AKAP19: variants seen among roughly 807,000 people sequenced by gnomAD.
AKAP19 encodes small A-kinase anchoring protein.
chr2:189,937,936 A>T, the AKAP19 span, among the ~76,000 whole-genome samples: 1 of 152,254 alleles, frequency 6.6e-6, no homozygotes. Flanking sequence ...GGAAATTGGC[A>T]TACTGAAGAG....
the AKAP19 span, among the ~76,000 whole-genome samples, chr2:190,182,567 TGTTA>T: frequency 3.9e-5 from 6 of 152,160 alleles, no homozygotes; most frequent in Non-Finnish European, 7.3e-5. Context: ...AGTCAGTAAA[TGTTA>T]GTTATCTTCA....
At chr2:190,180,400 C>T in the AKAP19 span, 1 of 912,392 alleles carries the variant, frequency 1.1e-6, no homozygotes, top group African/African-American at 1.8e-5. This position sits in a 1 kb window ranked among gnomAD's most constrained non-coding sequence, Gnocchi z 6.8. Flanking sequence ...CCCCCTCTCA[C>T]CAGGGCGGAG....
At chr2:190,193,637 T>TTTATATTATA in the AKAP19 span, among the ~76,000 whole-genome samples, 1 of 152,174 alleles carries the variant, frequency 6.6e-6, no homozygotes, top group Non-Finnish European at 1.5e-5. Flanking sequence ...CATAAAATTG[T>TTTATATTATA]TTATATTATT....
At chr2:190,194,098 C>T in the AKAP19 span, among the ~76,000 whole-genome samples, 2 of 152,046 alleles carry the variant, frequency 1.3e-5, no homozygotes, top group South Asian at 2.1e-4. Context: ...AGATATTTTA[C>T]TCTCTGGGGT....
chr2:190,075,143 T>C, the AKAP19 span, among the ~76,000 whole-genome samples: 13 of 152,348 alleles, frequency 8.5e-5, 1 homozygote, highest in East Asian at 1.7e-3. Flanking sequence ...CTTGTGATTA[T>C]TTTTTGACCA....
the AKAP19 span, among the ~76,000 whole-genome samples, chr2:190,127,825 T>G: frequency 6.6e-6 from 1 of 152,156 alleles, no homozygotes; most frequent in African/African-American, 2.4e-5. Flanking sequence ...TCCCAAAGCA[T>G]GGTACACACA....
the AKAP19 span, among the ~76,000 whole-genome samples, chr2:189,886,345 A>C: frequency 6.6e-6 from 1 of 152,256 alleles, no homozygotes; most frequent in Admixed American, 6.5e-5. Context: ...TTTTGTCTAG[A>C]TATTGCTCCC....
the AKAP19 span, among the ~76,000 whole-genome samples, chr2:190,078,057 A>G: frequency 6.6e-6 from 1 of 152,072 alleles, no homozygotes; most frequent in African/African-American, 2.4e-5. Context: ...CCTATTTCAG[A>G]TTCAAGGGGA....
chr2:190,166,628 A>G, the AKAP19 span, among the ~76,000 whole-genome samples: 3 of 152,158 alleles, frequency 2.0e-5, no homozygotes, highest in Non-Finnish European at 2.9e-5. Context: ...TTGAAAATCT[A>G]TATAAGTTAT....
At chr2:189,965,370 A>C in the AKAP19 span, among the ~76,000 whole-genome samples, 13 of 152,174 alleles carry the variant, frequency 8.5e-5, no homozygotes, top group Admixed American at 3.3e-4. Context: ...CTAAAATGTG[A>C]TGTACAGTCA....
the AKAP19 span, among the ~76,000 whole-genome samples, chr2:189,987,170 C>T: frequency 3.9e-5 from 6 of 152,076 alleles, no homozygotes; most frequent in Non-Finnish European, 5.9e-5. Context: ...TCATGGGGGC[C>T]GGTCTTTCCA....
chr2:190,009,709 C>T, the AKAP19 span, among the ~76,000 whole-genome samples: 9 of 152,010 alleles, frequency 5.9e-5, no homozygotes, highest in Non-Finnish European at 1.0e-4. Flanking sequence ...TGGGAGCCTT[C>T]GTCATAGAAA....
At chr2:190,189,457 CAT>C in the AKAP19 span, among the ~76,000 whole-genome samples, 1 of 152,134 alleles carries the variant, frequency 6.6e-6, no homozygotes, top group Non-Finnish European at 1.5e-5. Flanking sequence ...ATAAACATAA[CAT>C]AAATTAGTAA....
the AKAP19 span, among the ~76,000 whole-genome samples, chr2:189,997,445 G>A: frequency 2.0e-5 from 3 of 152,192 alleles, no homozygotes; most frequent in Non-Finnish European, 4.4e-5. Flanking sequence ...ACTCTCCTGG[G>A]CAGGGCTTGC....
chr2:189,934,056 A>C, the AKAP19 span, among the ~76,000 whole-genome samples: 3 of 152,120 alleles, frequency 2.0e-5, no homozygotes, highest in African/African-American at 7.2e-5. Context: ...AACTCTTTGT[A>C]AGCCATTCTG....
At chr2:190,002,102 T>C in the AKAP19 span, among the ~76,000 whole-genome samples, 1 of 152,324 alleles carries the variant, frequency 6.6e-6, no homozygotes, top group East Asian at 1.9e-4. Flanking sequence ...GCAGGGGATA[T>C]GGTGGGAGTA....
chr2:190,059,005 AATAT>A, the AKAP19 span, among the ~76,000 whole-genome samples: 1 of 151,448 alleles, frequency 6.6e-6, no homozygotes, highest in African/African-American at 2.4e-5. Flanking sequence ...TGTGTGTATA[AATAT>A]ATATATACAC....
chr2:189,908,392 T>G, the AKAP19 span, among the ~76,000 whole-genome samples: 3 of 152,138 alleles, frequency 2.0e-5, no homozygotes, highest in East Asian at 5.8e-4. Context: ...AGATGGGGTT[T>G]CATCACGTTG....
chr2:190,095,163 A>G, the AKAP19 span, among the ~76,000 whole-genome samples: 9 of 152,212 alleles, frequency 5.9e-5, no homozygotes, highest in Admixed American at 2.0e-4. Context: ...CGGAGGTTAC[A>G]GTGAGCCAAG....
Sources: gnomAD v4.1 joint callset for allele counts (sites outside exome capture counted in the v4.1 genomes callset) on GRCh38, gnomAD v4.1.1 for gene constraint, Gnocchi (gnomAD v3.1) non-coding constraint, MANE v1.5 for transcripts, NCBI Gene and HGNC (gene_info 2026-07-23, HGNC 2026-07-21) for gene names.